SMC5: variants seen among roughly 807,000 people sequenced by gnomAD.
SMC5 encodes structural maintenance of chromosomes 5.
SMC5 carries 88 observed loss-of-function variants against 148.3 expected under a neutral mutation model. That is an observed-to-expected ratio of 0.59 (90% CI 0.50 to 0.71). SMC5 has a LOEUF of 0.71. SMC5 is among the 30% of genes least tolerant of loss of function. SMC5 has a pLI of 0.00. For missense variants in SMC5, 1,142 were observed against 1,298.9 expected (o/e 0.88, Z 1.86); for synonymous variants, 421 against 432.8 (o/e 0.97, Z 0.34).
rs1409457926 is a variant in SMC5, at chr9:70,330,365, C to T, written c.2397+6222C>T. ...TTGCCCCCTGGGGAGCAAAAGTACC[C>T]CCAGTTGAGAACCACTGGTCTAAAA... is the stretch of plus-strand genomic sequence containing the variant. On this transcript the variant is annotated intron_variant, in intron 17 of 24. Coordinates refer to ENST00000361138, the MANE Select transcript of SMC5 (RefSeq NM_015110.4). Among the ~76,000 whole-genome samples, 3 of 151,988 alleles carry T rather than the reference C, an allele frequency of 2.0e-5. No homozygotes were observed. In the East Asian group the frequency reaches 5.8e-4, roughly 29 times the overall value.
At chr9:70,300,000 T>G in intron 9 of SMC5, 46 bp from the exon 10 acceptor site, 1 of 1,505,202 alleles carries the variant, frequency 6.6e-7, no homozygotes, top group Non-Finnish European at 8.8e-7. Context: ...TTTCACTAAT[T>G]AAAATTTTCA....
chr9:70,328,652 G>A (rs1028476412), intron 17 of SMC5, among the ~76,000 whole-genome samples: 11 of 152,100 alleles, frequency 7.2e-5, no homozygotes, highest in African/African-American at 2.4e-4. Context: ...CTTGGCACAC[G>A]GTGCAAGCTG....
At chr9:70,298,750 G>T (rs1456758017) in intron 9 of SMC5, among the ~76,000 whole-genome samples, 2 of 150,738 alleles carry the variant, frequency 1.3e-5, no homozygotes, top group Non-Finnish European at 3.0e-5. Context: ...AAAAAAAGAA[G>T]AAGAACTAGA....
At chr9:70,323,872 TTG>T in intron 16 of SMC5, 147 bp from the exon 17 acceptor site, 2 of 836,428 alleles carry the variant, frequency 2.4e-6, no homozygotes, top group South Asian at 4.5e-5. Flanking sequence ...TTCTAAAAAA[TTG>T]TTACAAGAAC....
chr9:70,327,395 T>C (rs1453376352), intron 17 of SMC5, among the ~76,000 whole-genome samples: 1 of 152,218 alleles, frequency 6.6e-6, no homozygotes, highest in African/African-American at 2.4e-5. Flanking sequence ...ATAATGATGC[T>C]AAAATAAAAT....
chr9:70,264,867 A>G (rs1307022247), intron 2 of SMC5, among the ~76,000 whole-genome samples: 2 of 152,204 alleles, frequency 1.3e-5, no homozygotes, highest in African/African-American at 2.4e-5. Context: ...GGGTTAGCCT[A>G]CTATCCACTT....
At chr9:70,294,335 TA>T (rs1247032253) in intron 8 of SMC5, among the ~76,000 whole-genome samples, 1 of 152,204 alleles carries the variant, frequency 6.6e-6, no homozygotes, top group East Asian at 1.9e-4. Flanking sequence ...GCCATAGATT[TA>T]AAGTGAGACC....
At chr9:70,348,885 A>C (rs1358091999) in intron 22 of SMC5, among the ~76,000 whole-genome samples, 1 of 152,106 alleles carries the variant, frequency 6.6e-6, no homozygotes, top group Non-Finnish European at 1.5e-5. Flanking sequence ...ACTTGAATTC[A>C]GGAGTTTGAG....
chr9:70,342,701 T>C (rs564882508), intron 17 of SMC5, among the ~76,000 whole-genome samples: 17 of 152,302 alleles, frequency 1.1e-4, no homozygotes, highest in African/African-American at 4.1e-4. Context: ...GTTGTAACAG[T>C]GCTTGACCTA....
chr9:70,267,796 C>T, intron 2 of SMC5, 127 bp from the exon 3 acceptor site: 1 of 689,982 alleles, frequency 1.4e-6, no homozygotes, highest in Admixed American at 2.8e-5. Flanking sequence ...TAGAAAGTGA[C>T]AGGAGCGAAC....
rs921346745 is a variant in SMC5 at position 70,282,725 on chromosome 9, A to G, written c.981+142A>G. ...TTTTTTAACCAGGAATTCTGCCACC[A>G]TAGGATTTTCAAGGACATACTTATT... On this transcript the variant is annotated intron_variant, in intron 7 of 24. Coordinates refer to ENST00000361138, the MANE Select transcript of SMC5 (RefSeq NM_015110.4). 28 of 821,140 alleles carry G rather than the reference A, an allele frequency of 3.4e-5. No homozygotes were observed. The African/African-American group carries it at 4.6e-4, about 14-fold the overall frequency. 50.9% of individuals were successfully genotyped at this position (821,140 alleles called of 1,614,324 possible).
intron 17 of SMC5, among the ~76,000 whole-genome samples, chr9:70,326,872 A>G (rs2036093174): frequency 6.6e-6 from 1 of 151,796 alleles, no homozygotes; most frequent in Non-Finnish European, 1.5e-5. Flanking sequence ...AAAAAATTGC[A>G]AAAAAAATCA....
At chr9:70,323,339 T>C (rs528375931) in intron 15 of SMC5, 144 bp from the exon 16 acceptor site, 23 of 686,922 alleles carry the variant, frequency 3.3e-5, no homozygotes, top group Non-Finnish European at 4.3e-5. Flanking sequence ...AAACAACTTA[T>C]ATTGATTGAT....
intron 3 of SMC5, among the ~76,000 whole-genome samples, chr9:70,274,333 G>A (rs967998426): frequency 1.3e-5 from 2 of 152,118 alleles, no homozygotes; most frequent in East Asian, 1.9e-4. Context: ...CACCCACCTC[G>A]GCCTCCCAAA....
At chr9:70,304,526 A>T (rs2035446189) in intron 10 of SMC5, among the ~76,000 whole-genome samples, 1 of 152,122 alleles carries the variant, frequency 6.6e-6, no homozygotes, top group South Asian at 2.1e-4. Flanking sequence ...GTCTCTACTA[A>T]AAATACAAAA....
intron 2 of SMC5, among the ~76,000 whole-genome samples, chr9:70,266,695 A>C (rs2034300195): frequency 6.6e-6 from 1 of 152,222 alleles, no homozygotes; most frequent in Non-Finnish European, 1.5e-5. Context: ...CCAAGTTCTC[A>C]GCAAGAATAT....
At chr9:70,348,081 TTTAA>T (rs1484744479) in intron 22 of SMC5, 43 bp downstream of exon 22, 1 of 1,418,880 alleles carries the variant, frequency 7.0e-7, no homozygotes, top group South Asian at 1.4e-5. Flanking sequence ...GGCAAATAAT[TTTAA>T]TTATATGCTT....
chr9:70,293,811 T>G (rs960008911), intron 8 of SMC5, among the ~76,000 whole-genome samples: 2 of 152,186 alleles, frequency 1.3e-5, no homozygotes, highest in Non-Finnish European at 2.9e-5. Flanking sequence ...TGCTTTTATT[T>G]CTCTTGGATA....
intron 10 of SMC5, among the ~76,000 whole-genome samples, chr9:70,303,854 A>G (rs2035426764): frequency 6.6e-6 from 1 of 152,172 alleles, no homozygotes; most frequent in African/African-American, 2.4e-5. Context: ...TTATTTTTTC[A>G]AGAAAGCTGA....
Sources: allele counts gnomAD v4.1 joint callset (sites outside exome capture counted in the v4.1 genomes callset), GRCh38; gene constraint gnomAD v4.1.1; transcripts MANE v1.5; gene names NCBI Gene and HGNC (gene_info 2026-07-23, HGNC 2026-07-21).